The following MAPK8IP3 variants were observed in gnomAD, a reference collection of about 807,000 sequenced individuals.
MAPK8IP3 encodes mitogen-activated protein kinase 8 interacting protein 3.
Under a neutral mutation model 157.8 loss-of-function variants are expected in MAPK8IP3, and 49 were observed. The observed-to-expected ratio is 0.31, with a 90% CI of 0.25 to 0.39. The LOEUF is 0.39. Ranked by LOEUF, MAPK8IP3 falls within the 10% of genes least tolerant of loss-of-function variation. The probability of loss-of-function intolerance (pLI) is 1.00; values close to 1 mark genes in which losing one functional copy is unlikely to be tolerated. For missense variants in MAPK8IP3, 1,478 were observed against 1,889.4 expected (o/e 0.78, Z 4.04); for synonymous variants, 897 against 777.7 (o/e 1.15, Z -2.55).
At chr16:1,720,709 A>G (rs985054202) in intron 1 of MAPK8IP3, among the ~76,000 whole-genome samples, 10 of 152,238 alleles carry the variant, frequency 6.6e-5, no homozygotes, top group Non-Finnish European at 1.0e-4. Context: ...CATTTTTTAT[A>G]TAACAGGAAA....
At chr16:1,760,113 G>A in intron 11 of MAPK8IP3, 98 bp downstream of exon 11, 3 of 1,327,762 alleles carry the variant, frequency 2.3e-6, no homozygotes, top group Admixed American at 1.7e-5. Context: ...GGGAGCACCT[G>A]GCTCCAACGC....
intron 14 of MAPK8IP3, 39 bp from the exon 15 acceptor site, chr16:1,762,636 A>G: frequency 1.0e-5 from 16 of 1,542,822 alleles, no homozygotes; most frequent in Non-Finnish European, 1.3e-5. Flanking sequence ...GGGAGGCGTG[A>G]GGGCACTAGC....
intron 4 of MAPK8IP3, among the ~76,000 whole-genome samples, chr16:1,735,824 C>T (rs2141775191): frequency 7.1e-6 from 1 of 141,448 alleles, no homozygotes; most frequent in Non-Finnish European, 1.5e-5. Flanking sequence ...TCCGTGTGAC[C>T]GTCCGTGTGA....
In MAPK8IP3 at chr16:1,760,360, A is replaced by G. The variant is rs2041865427; in HGVS notation, c.1305-20A>G. ...TGTATGCCGCGCCCGTGGCACTCCC[A>G]TCTTTCTGCTTTTTCAAAGAAACGC... is the stretch of plus-strand genomic sequence containing the variant. On this transcript the variant is annotated intron_variant, in intron 11 of 31. Transcript: ENST00000610761. 1 of 1,602,176 alleles carries G rather than the reference A, an allele frequency of 6.2e-7. No individual in the cohort carries two copies. The highest frequency in any genetic ancestry group is 2.2e-5 in the East Asian group (1 of 44,580).
intron 12 of MAPK8IP3, among the ~76,000 whole-genome samples, chr16:1,761,002 C>T (rs1307344538): frequency 3.9e-5 from 6 of 152,220 alleles, no homozygotes; most frequent in Non-Finnish European, 8.8e-5. Context: ...GGCTGGGCTT[C>T]AGAGCACTCA....
rs542252519 is a variant in MAPK8IP3 at position 1,718,054 on chromosome 16, C to T, written c.319-6503C>T. 2.5e-3 allele frequency among the ~76,000 whole-genome samples: 374 copies of T among 151,964 alleles called. 2 individuals are homozygous for T. The highest frequency in any genetic ancestry group is 0.014 in the Middle Eastern group (4 of 292). ...ATTTTTAGTAGAGATGGGGTTTCAC[C>T]TTGTTAGCCAGGATGGTCTCGATCT... On this transcript the variant is annotated intron_variant, in intron 1 of 31. Transcript: ENST00000610761.
At chr16:1,714,696 T>C (rs937530582) in intron 1 of MAPK8IP3, among the ~76,000 whole-genome samples, 5 of 152,098 alleles carry the variant, frequency 3.3e-5, no homozygotes, top group Admixed American at 6.5e-5. Flanking sequence ...ACAGTCCCAG[T>C]GGGCCCTTGC....
chr16:1,768,839 C>G lies in MAPK8IP3; in HGVS notation c.*15C>G. The G allele has an allele frequency of 1.2e-6, 2 of 1,611,002 alleles. No individual in the cohort carries two copies. The highest frequency in any genetic ancestry group is 4.5e-5 in the East Asian group (2 of 44,850). On this transcript the variant is annotated 3_prime_UTR_variant, in exon 32 of 32. Transcript: ENST00000610761. ...CCCCCGAGTGAAGCTGCTGCCCTGC[C>G]TGGCCCGACCTGTACATAGGACCCC... is the stretch of plus-strand genomic sequence containing the variant.
chr16:1,767,195 C>T lies in MAPK8IP3; in HGVS notation c.3135C>T (p.His1045=), dbSNP rs751354965. 8.1e-6 allele frequency: 13 copies of T among 1,613,242 alleles called. No individual in the cohort carries two copies. The highest frequency in any genetic ancestry group is 2.7e-5 in the African/African-American group (2 of 74,932). The change falls in exon 26 of 32, where the codon CAC becomes CAT. Residue 1045 remains histidine, a synonymous_variant. Transcript: ENST00000610761. ...LSNYHLMDLG[H]PHHSIRCMAV... is the part of the protein sequence containing the mutation. The stretch of plus-strand genomic sequence containing the variant: ...ACTATCACCTAATGGACCTGGGCCA[C>T]CCGCACCACTCCATCCGCTGCATGG...
In MAPK8IP3 at chr16:1,747,291, C is replaced by CG. The variant is rs1567182793; in HGVS notation, c.994+19dup. The CG allele has an allele frequency of 6.2e-7, 1 of 1,607,862 alleles. No homozygotes were observed. Among genetic ancestry groups the CG allele is most frequent in the Admixed American group, 1.7e-5 (1 of 59,908 alleles). On this transcript the variant is annotated intron_variant, in intron 6 of 31. Transcript: ENST00000610761. ...GTCAGTATAGGTGGGTGCCCACCTC[C>CG]GGGACTCTGGGCTCCCTCGGGCAGG... is the stretch of plus-strand genomic sequence containing the variant.
intron 1 of MAPK8IP3, among the ~76,000 whole-genome samples, chr16:1,718,010 C>T (rs2038268158): frequency 6.6e-6 from 1 of 151,860 alleles, no homozygotes; most frequent in Non-Finnish European, 1.5e-5. Flanking sequence ...CGCCACCACA[C>T]CCGGCTAATC....
At chr16:1,763,577 A>T in intron 16 of MAPK8IP3, 80 bp from the exon 17 acceptor site, 2 of 1,382,150 alleles carry the variant, frequency 1.4e-6, no homozygotes. Context: ...CCCTGCCGTG[A>T]CCTCCCCCAG....
In MAPK8IP3 at chr16:1,760,542, G is replaced by A. The variant is rs774792169; in HGVS notation, c.1457+10G>A. ...AAGAGGAACTGAAAAGGTGAGGGCA[G>A]GGCATGGAAAGCTGGTCAGAGAGGG... On this transcript the variant is annotated intron_variant, in intron 12 of 31. Coordinates refer to ENST00000610761, the MANE Select transcript of MAPK8IP3 (RefSeq NM_001318852.2). The A allele has an allele frequency of 5.0e-6, 8 of 1,606,824 alleles. No homozygotes were observed. Among genetic ancestry groups the A allele is most frequent in the Non-Finnish European group, 6.8e-6 (8 of 1,175,038 alleles).
chr16:1,757,294 C>T (rs552992565), intron 8 of MAPK8IP3, among the ~76,000 whole-genome samples: 3 of 152,124 alleles, frequency 2.0e-5, no homozygotes, highest in South Asian at 2.1e-4. Flanking sequence ...TTAGTAGAGA[C>T]GGGGTTTCAC....
At chr16:1,728,317 C>T (rs550509148) in intron 2 of MAPK8IP3, among the ~76,000 whole-genome samples, 1 of 152,316 alleles carries the variant, frequency 6.6e-6, no homozygotes, top group East Asian at 1.9e-4. Context: ...CAGCCCTCGG[C>T]GTGTGTGAGG....
intron 5 of MAPK8IP3, chr16:1,746,758 G>A: frequency 2.0e-6 from 1 of 494,562 alleles, no homozygotes; most frequent in Non-Finnish European, 3.6e-6. Context: ...TCTGGGGAGG[G>A]CACCAGTGGA....
Position 1,766,202 on chromosome 16 carries a change from T to A in MAPK8IP3, c.2630-18T>A, listed in dbSNP as rs1255016046. The A allele has an allele frequency of 2.5e-6, 4 of 1,604,150 alleles. No individual in the cohort carries two copies. In the South Asian group the frequency reaches 3.3e-5, roughly 13 times the overall value. On this transcript the variant is annotated intron_variant, in intron 21 of 31. Transcript: ENST00000610761. The stretch of plus-strand genomic sequence containing the variant: ...TCCCACGTTTCTGCCCAGCCCAAGC[T>A]CACCTCTCCTAACACAGGGGAGGTG...
chr16:1,761,425 C>T (rs1429915485), intron 13 of MAPK8IP3, 120 bp downstream of exon 13: 20 of 872,212 alleles, frequency 2.3e-5, no homozygotes, highest in Admixed American at 5.6e-5. Context: ...ACAGGCAGAG[C>T]GGCCACCATT....
At chr16:1,760,135 C>A in intron 11 of MAPK8IP3, 120 bp downstream of exon 11, 2 of 1,153,248 alleles carry the variant, frequency 1.7e-6, no homozygotes, top group Non-Finnish European at 1.3e-6. Flanking sequence ...AGCAGCTGTC[C>A]TCATCTCTGG....
Sources: allele counts gnomAD v4.1 joint callset (sites outside exome capture counted in the v4.1 genomes callset), GRCh38; gene constraint gnomAD v4.1.1; transcripts MANE v1.5; gene names NCBI Gene and HGNC (gene_info 2026-07-23, HGNC 2026-07-21).